B4GALNT3: variants seen among roughly 807,000 people sequenced by gnomAD.
B4GALNT3 encodes the protein beta-1,4-N-acetyl-galactosaminyltransferase 3.
A neutral mutation model predicts 120.2 loss-of-function variants in B4GALNT3; 86 were observed. The observed-to-expected ratio is 0.72, with a 90% CI of 0.60 to 0.86. The LOEUF (loss-of-function observed/expected upper bound fraction) is 0.86. Among genes scored for constraint, B4GALNT3 ranks in the 40% least tolerant of loss-of-function variants. The pLI is 0.00. For synonymous variants in B4GALNT3, 518 were observed against 510.4 expected (o/e 1.01, Z -0.20); for missense variants, 1,167 against 1,298.9 (o/e 0.90, Z 1.56).
intron 1 of B4GALNT3, among the ~76,000 whole-genome samples, chr12:524,587 T>G (rs1173861969): frequency 6.6e-6 from 1 of 151,814 alleles, no homozygotes; most frequent in Non-Finnish European, 1.5e-5. Flanking sequence ...ATTCCATTGC[T>G]TTTGCATTCA....
At chr12:504,283 AAAAAAAC>A (rs1450464405) in intron 1 of B4GALNT3, among the ~76,000 whole-genome samples, 10 of 149,054 alleles carry the variant, frequency 6.7e-5, no homozygotes, top group South Asian at 2.2e-4. Context: ...TGTCTATAAA[AAAAAAAC>A]AAAAACAAAA....
chr12:464,895 G>A (rs1043397403), intron 1 of B4GALNT3, among the ~76,000 whole-genome samples: 5 of 152,200 alleles, frequency 3.3e-5, no homozygotes, highest in South Asian at 2.1e-4. Flanking sequence ...GCACACCCGC[G>A]GTGTGAGGCA....
At position 558,540 on chromosome 12, in the gene B4GALNT3, C is replaced by G. The variant is rs537551389; in HGVS notation, c.2640C>G (p.Leu880=). Residue 880 remains leucine (L), a synonymous_variant, in exon 18 of 20, where the codon CTC becomes CTG. Transcript: ENST00000266383. ...ACAGCATCATCTTCCTCTGTGACCT[C>G]CACATCCACTTCCCAGCTGGAGTCA... ...DPHSIIFLCD[L]HIHFPAGVID... The G allele has an allele frequency of 1.6e-5, 26 of 1,614,170 alleles. No homozygotes were observed. The South Asian group carries it at 2.9e-4, about 18-fold the overall frequency.
Position 546,744 on chromosome 12 carries a change from C to CGCCTCGGT in B4GALNT3, c.707+41_707+48dup, listed in dbSNP as rs753788932. On this transcript the variant is annotated intron_variant, in intron 7 of 19. Coordinates refer to ENST00000266383, the MANE Select transcript of B4GALNT3 (RefSeq NM_173593.4). ...TGAGGGTCAGGACAGGCGCTGTGGG[C>CGCCTCGGT]GCCTCGGTGCCTCGGTGGAGCCCGG... 1.8e-5 allele frequency: 28 copies of CGCCTCGGT among 1,544,018 alleles called. No homozygotes were observed. The East Asian group carries it at 2.0e-4, about 11-fold the overall frequency.
chr12:479,168 C>G (rs1171336290), intron 1 of B4GALNT3, among the ~76,000 whole-genome samples: 1 of 152,098 alleles, frequency 6.6e-6, no homozygotes, highest in Non-Finnish European at 1.5e-5. Flanking sequence ...CTGCAGTGAC[C>G]TGACTCTTGG....
chr12:514,665 G>A (rs1031042903), intron 1 of B4GALNT3, among the ~76,000 whole-genome samples: 2 of 152,082 alleles, frequency 1.3e-5, no homozygotes, highest in African/African-American at 4.8e-5. Context: ...GAATACTTGG[G>A]ATTTCTAGGA....
chr12:461,814 A>C (rs1290886961), intron 1 of B4GALNT3, among the ~76,000 whole-genome samples: 1 of 152,190 alleles, frequency 6.6e-6, no homozygotes, highest in African/African-American at 2.4e-5. Context: ...TGGTGATGGA[A>C]ATCATTCCGG....
intron 1 of B4GALNT3, among the ~76,000 whole-genome samples, chr12:521,218 C>T (rs1946706129): frequency 6.6e-6 from 1 of 152,088 alleles, no homozygotes; most frequent in South Asian, 2.1e-4. Flanking sequence ...TCGTCATCAC[C>T]CTCCTGATGT....
chr12:476,038 T>G (rs1308617409), intron 1 of B4GALNT3, among the ~76,000 whole-genome samples: 2 of 152,214 alleles, frequency 1.3e-5, no homozygotes, highest in African/African-American at 4.8e-5. Flanking sequence ...GGTCCTCCAT[T>G]TCTTCCTTCC....
At chr12:523,580 G>A (rs762793844) in intron 1 of B4GALNT3, among the ~76,000 whole-genome samples, 4 of 152,178 alleles carry the variant, frequency 2.6e-5, no homozygotes, top group African/African-American at 9.7e-5. Flanking sequence ...TGTGGTGCAC[G>A]AAGTCTTGGG....
At chr12:561,223 C>T in intron 19 of B4GALNT3, 120 bp from the exon 20 acceptor site, 2 of 704,042 alleles carry the variant, frequency 2.8e-6, no homozygotes, top group Non-Finnish European at 4.9e-6. Flanking sequence ...CCACAGCCGT[C>T]CACTGCACCT....
intron 1 of B4GALNT3, among the ~76,000 whole-genome samples, chr12:519,466 A>G (rs947292712): frequency 3.9e-5 from 6 of 152,206 alleles, no homozygotes; most frequent in African/African-American, 1.4e-4. Context: ...AGAGTCGCAC[A>G]GATCTGAAGG....
Position 553,710 on chromosome 12 carries a change from C to T in B4GALNT3, c.1787C>T (p.Ala596Val). The T allele has an allele frequency of 6.2e-7, 1 of 1,613,920 alleles. No homozygotes were observed. The highest frequency in any genetic ancestry group is 1.1e-5 in the South Asian group (1 of 91,076). ...CATGGGGAGGAGGAAGTGGTGGCGG[C>T]CGCAGGCCAGGAAGGACAAGTGGAG... ...GWHGEEEVVA[A>V]AGQEGQVEGE... The change falls in exon 14 of 20, where the codon GCC becomes GTC. Residue 596 changes from alanine (A) to valine (V), a missense_variant. Transcript: ENST00000266383.
intron 1 of B4GALNT3, among the ~76,000 whole-genome samples, chr12:462,903 G>A (rs1032202136): frequency 3.3e-5 from 5 of 152,136 alleles, no homozygotes; most frequent in Non-Finnish European, 4.4e-5. Flanking sequence ...TCCTCTGGAG[G>A]GAGAGCCAGG....
intron 1 of B4GALNT3, among the ~76,000 whole-genome samples, chr12:532,824 C>T (rs1946820394): frequency 6.6e-6 from 1 of 152,178 alleles, no homozygotes; most frequent in Non-Finnish European, 1.5e-5. Flanking sequence ...AGGACAAGGG[C>T]AGCTGAAGAC....
chr12:535,906 G>A (rs754593345), intron 2 of B4GALNT3, among the ~76,000 whole-genome samples: 4 of 152,104 alleles, frequency 2.6e-5, no homozygotes, highest in Non-Finnish European at 5.9e-5. Flanking sequence ...CCCACTTGTT[G>A]GAACCCAAAT....
intron 1 of B4GALNT3, among the ~76,000 whole-genome samples, chr12:506,544 T>C (rs1946497872): frequency 6.6e-6 from 1 of 152,248 alleles, no homozygotes; most frequent in African/African-American, 2.4e-5. Context: ...AAAAATTCAA[T>C]ATGCCTTCTA....
chr12:559,486 A>G, intron 19 of B4GALNT3, 65 bp downstream of exon 19: 1 of 1,596,626 alleles, frequency 6.3e-7, no homozygotes, highest in Non-Finnish European at 8.6e-7. Context: ...GCAGGGAGCC[A>G]GGCTACAGCA....
intron 1 of B4GALNT3, among the ~76,000 whole-genome samples, chr12:467,228 G>A (rs550799100): frequency 1.3e-5 from 2 of 152,186 alleles, no homozygotes; most frequent in Admixed American, 6.5e-5. Flanking sequence ...GAGCCACTGT[G>A]CTCGGCCTCA....
Sources: gnomAD v4.1 joint callset for allele counts (sites outside exome capture counted in the v4.1 genomes callset) on GRCh38, gnomAD v4.1.1 for gene constraint, MANE v1.5 for transcripts, NCBI Gene and HGNC (gene_info 2026-07-23, HGNC 2026-07-21) for gene names.